The following ZMAT3 variants were observed in gnomAD, a reference collection of about 807,000 sequenced individuals.
ZMAT3 encodes the protein zinc finger matrin-type 3.
Under a neutral mutation model 32.3 loss-of-function variants are expected in ZMAT3, and 17 were observed. The observed-to-expected ratio is 0.53, with a 90% CI of 0.36 to 0.79. The LOEUF (loss-of-function observed/expected upper bound fraction) is 0.79. Among genes scored for constraint, ZMAT3 ranks in the 30% least tolerant of loss-of-function variants. The pLI is 0.00. For synonymous variants in ZMAT3, 120 were observed against 133.1 expected, an observed-to-expected ratio of 0.90 and a Z score of 0.68; for missense variants, 329 against 359.7, an observed-to-expected ratio of 0.91 and a Z score of 0.69.
chr3:179,054,012 A>G (rs1720706555), intron 2 of ZMAT3, among the ~76,000 whole-genome samples: 2 of 152,372 alleles, frequency 1.3e-5, no homozygotes, highest in Middle Eastern at 3.4e-3. Context: ...TACTGTAGTT[A>G]TGTAAAATGT....
At chr3:179,058,615 G>T (rs913279485) in intron 2 of ZMAT3, among the ~76,000 whole-genome samples, 1 of 151,716 alleles carries the variant, frequency 6.6e-6, no homozygotes, top group Non-Finnish European at 1.5e-5. Flanking sequence ...AATTAGCCGG[G>T]GGTAGTGGCG....
At position 179,023,689 on chromosome 3, in the gene ZMAT3, A is replaced by AATATATATATATATATATGTATATAT. The variant is rs1232846996; in HGVS notation, c.*1327_*1328insATATATACATATATATATATATATAT. The stretch of plus-strand genomic sequence containing the variant: ...CTTTGTTTCCTAAAAACTGCTGGAA[A>AATATATATATATATATATGTATATAT]ATATATCTATATATATATATATTTT... On this transcript the variant is annotated 3_prime_UTR_variant, in exon 6 of 6. Transcript: ENST00000311417. 2.4e-5 allele frequency: 1 copy of AATATATATATATATATATGTATATAT among 42,264 alleles called. No homozygotes were observed. Among genetic ancestry groups the AATATATATATATATATATGTATATAT allele is most frequent in the African/African-American group, 1.3e-4 (1 of 7,432 alleles). The allele number at this position is 42,264 out of a possible 1,614,324, so 2.6% of individuals were successfully genotyped here. A position where few individuals can be genotyped will look rare whatever the true frequency, so the allele number is the denominator to read the frequency against.
chr3:179,072,160 G>C (rs1035534223), upstream of ZMAT3: 13 of 152,492 alleles, frequency 8.5e-5, no homozygotes, highest in African/African-American at 3.1e-4. Context: ...TCCAAACATT[G>C]TTCATTCTGT....
intron 2 of ZMAT3, among the ~76,000 whole-genome samples, chr3:179,047,211 C>T (rs999597897): frequency 1.3e-5 from 2 of 152,196 alleles, no homozygotes; most frequent in African/African-American, 4.8e-5. Context: ...AGTACCAACC[C>T]AGAGCCCAGT....
At chr3:179,050,334 G>A (rs1015570421) in intron 2 of ZMAT3, among the ~76,000 whole-genome samples, 2 of 152,008 alleles carry the variant, frequency 1.3e-5, no homozygotes, top group African/African-American at 4.8e-5. Context: ...ATCATTCAAG[G>A]CTATTATGAA....
chr3:179,052,539 T>G (rs1720623177), intron 2 of ZMAT3, among the ~76,000 whole-genome samples: 1 of 152,214 alleles, frequency 6.6e-6, no homozygotes, highest in South Asian at 2.1e-4. Context: ...ACTTTTACAC[T>G]ATTGTTAGGA....
rs548225833 is a variant in ZMAT3 at position 179,046,426 on chromosome 3, C to CA, written c.271-15428dup. 7.9e-5 allele frequency among the ~76,000 whole-genome samples: 12 copies of CA among 152,290 alleles called. No homozygotes were observed. The South Asian group carries it at 2.5e-3, about 32-fold the overall frequency. On this transcript the variant is annotated intron_variant, in intron 2 of 5. Coordinates refer to ENST00000311417, the MANE Select transcript of ZMAT3 (RefSeq NM_022470.4). This position sits in a 1 kb window ranked among gnomAD's most constrained non-coding sequence, Gnocchi z 4.3. ...GCAGCTCCCACTCAGATGGACAGAG[C>CA]AGTGTGTGGAGACCCATATCATGAA... is the stretch of plus-strand genomic sequence containing the variant.
intron 2 of ZMAT3, among the ~76,000 whole-genome samples, chr3:179,057,373 C>G (rs1052622125): frequency 2.9e-5 from 2 of 69,542 alleles, no homozygotes; most frequent in African/African-American, 7.4e-5. Context: ...CCTGTACATC[C>G]TGACTGTCAA....
chr3:179,060,776 G>T (rs892467467), intron 2 of ZMAT3, among the ~76,000 whole-genome samples: 13 of 152,066 alleles, frequency 8.5e-5, no homozygotes, highest in African/African-American at 2.9e-4. Context: ...ATCATTGTCA[G>T]ATCTCAGACT....
chr3:179,069,391 C>G (rs138788581), intron 1 of ZMAT3, among the ~76,000 whole-genome samples: 1 of 152,254 alleles, frequency 6.6e-6, no homozygotes, highest in African/African-American at 2.4e-5. Context: ...AACCACAGTA[C>G]ACCCTTTGAG....
intron 2 of ZMAT3, among the ~76,000 whole-genome samples, chr3:179,045,226 CT>C (rs1720166417): frequency 6.6e-6 from 1 of 152,050 alleles, no homozygotes; most frequent in Non-Finnish European, 1.5e-5. Context: ...TCATAGAAGT[CT>C]GGAACAAAGT....
intron 2 of ZMAT3, among the ~76,000 whole-genome samples, chr3:179,032,130 G>C (rs1320075647): frequency 1.3e-5 from 2 of 149,130 alleles, no homozygotes; most frequent in Non-Finnish European, 3.0e-5. Flanking sequence ...AGCCTGCCGA[G>C]TGCCTGCGAT....
At chr3:179,064,434 T>G (rs1371056663) in intron 2 of ZMAT3, among the ~76,000 whole-genome samples, 2 of 152,196 alleles carry the variant, frequency 1.3e-5, no homozygotes, top group African/African-American at 2.4e-5. Flanking sequence ...ATTGGTCTTA[T>G]CCTTCTCTTT....
chr3:179,060,468 C>T (rs1163735044), intron 2 of ZMAT3, among the ~76,000 whole-genome samples: 1 of 151,732 alleles, frequency 6.6e-6, no homozygotes, highest in Non-Finnish European at 1.5e-5. Flanking sequence ...GTGGTGAAAC[C>T]CTGCCTCTAC....
chr3:179,065,421 CA>C (rs1423825257), intron 2 of ZMAT3, among the ~76,000 whole-genome samples: 10 of 151,852 alleles, frequency 6.6e-5, no homozygotes. Context: ...AAGAAAAAAA[CA>C]AATGTTGATT....
chr3:179,057,369 C>T lies in ZMAT3; in HGVS notation c.270+10114G>A, dbSNP rs201790886. Among the ~76,000 whole-genome samples the T allele has an allele frequency of 6.4e-3, 842 of 132,440 alleles. 11 individuals are homozygous for T. In the East Asian group the frequency reaches 0.075, roughly 12 times the overall value. 86.9% of individuals were successfully genotyped at this position (132,440 alleles called of 152,430 possible). A position where few individuals can be genotyped will look rare whatever the true frequency, so the allele number is the denominator to read the frequency against. On this transcript the variant is annotated intron_variant, in intron 2 of 5. Coordinates refer to ENST00000311417, the MANE Select transcript of ZMAT3 (RefSeq NM_022470.4). ...AGGATGCCTTTTTTGCATCCCTGTA[C>T]ATCCTGACTGTCAATTCTTGTTTGC...
intron 2 of ZMAT3, among the ~76,000 whole-genome samples, chr3:179,035,680 T>G (rs1415812118): frequency 6.6e-6 from 1 of 152,208 alleles, no homozygotes; most frequent in Non-Finnish European, 1.5e-5. Flanking sequence ...TCTTGTTTAC[T>G]GTTCTAATCC....
chr3:179,041,892 A>T (rs1182989243), intron 2 of ZMAT3, among the ~76,000 whole-genome samples: 1 of 152,154 alleles, frequency 6.6e-6, no homozygotes, highest in African/African-American at 2.4e-5. Flanking sequence ...TAAAAAAATG[A>T]TAAAGGGGAT....
intron 2 of ZMAT3, among the ~76,000 whole-genome samples, chr3:179,044,399 C>G (rs568075076): frequency 6.6e-6 from 1 of 152,296 alleles, no homozygotes; most frequent in South Asian, 2.1e-4. Flanking sequence ...AATCCCAGCA[C>G]TTTGGGAGGT....
Sources: allele counts gnomAD v4.1 joint callset (sites outside exome capture counted in the v4.1 genomes callset), GRCh38; gene constraint gnomAD v4.1.1; non-coding constraint Gnocchi (gnomAD v3.1); transcripts MANE v1.5; gene names NCBI Gene and HGNC (gene_info 2026-07-23, HGNC 2026-07-21).